The following PTPRN2 variants were observed in gnomAD, a reference collection of about 807,000 sequenced individuals.
The protein encoded by PTPRN2 is protein tyrosine phosphatase receptor type N2, also known as receptor-type tyrosine-protein phosphatase N2.
In PTPRN2, 74 loss-of-function variants were observed where a neutral mutation model predicts 118.8. The ratio of observed to expected loss-of-function variants is 0.62; its 90% CI spans 0.52 to 0.76. PTPRN2 has a LOEUF of 0.76. PTPRN2 is among the 30% of genes least tolerant of loss of function. PTPRN2 has a pLI of 0.00. For synonymous variants in PTPRN2, 641 were observed against 608.0 expected (o/e 1.05, Z -0.80); for missense variants, 1,481 against 1,394.4 (o/e 1.06, Z -0.99).
chr7:158,113,711 C>T (rs1445970134), intron 9 of PTPRN2, among the ~76,000 whole-genome samples: 4 of 152,274 alleles, frequency 2.6e-5, no homozygotes, highest in East Asian at 3.9e-4. Context: ...GACAGAGAGA[C>T]GCATTGAGGT....
At chr7:158,092,836 C>T (rs1814302875) in intron 10 of PTPRN2, among the ~76,000 whole-genome samples, 1 of 152,204 alleles carries the variant, frequency 6.6e-6, no homozygotes, top group South Asian at 2.1e-4. Flanking sequence ...CACAGGGGAA[C>T]TTCCAAGAAA....
chr7:157,748,378 G>C, intron 12 of PTPRN2, among the ~76,000 whole-genome samples: 1 of 143,072 alleles, frequency 7.0e-6, no homozygotes, highest in Non-Finnish European at 1.5e-5. Context: ...TGAGCTGCCT[G>C]GGTGATTTTG....
intron 13 of PTPRN2, among the ~76,000 whole-genome samples, chr7:157,661,614 G>A (rs566304896): frequency 1.7e-4 from 26 of 151,314 alleles, no homozygotes; most frequent in Non-Finnish European, 3.4e-4. Context: ...TGGGGAAGCC[G>A]GGTCCTGGGT....
intron 12 of PTPRN2, among the ~76,000 whole-genome samples, chr7:157,840,253 G>A (rs1285128608): frequency 7.0e-5 from 10 of 142,640 alleles, no homozygotes; most frequent in South Asian, 4.7e-4. Flanking sequence ...CTGTGTAACC[G>A]CGTGTGACTG....
rs1797435177 is a variant in PTPRN2, at chr7:157,690,713, T to C, written c.1789-7776A>G. Among the ~76,000 whole-genome samples, 1 of 151,542 alleles carries C rather than the reference T, an allele frequency of 6.6e-6. No homozygotes were observed. The highest frequency in any genetic ancestry group is 2.4e-5 in the African/African-American group (1 of 41,376). On this transcript the variant is annotated intron_variant, in intron 12 of 22. Coordinates refer to ENST00000389418, the MANE Select transcript of PTPRN2 (RefSeq NM_002847.5). The surrounding 1 kb of genome is among the most constrained non-coding windows in gnomAD (Gnocchi z 7.1). Reference sequence around the variant, plus strand: ...ACAGACTAGCGGGGTCATCCGCTTCTGACCACAAACTTCTAGGGCGGCCGG... The same window carrying C: ...ACAGACTAGCGGGGTCATCCGCTTCCGACCACAAACTTCTAGGGCGGCCGG...
chr7:157,775,164 C>A (rs1803120430), intron 12 of PTPRN2, among the ~76,000 whole-genome samples: 1 of 152,164 alleles, frequency 6.6e-6, no homozygotes, highest in Admixed American at 6.5e-5. Flanking sequence ...GCAGTGTAGG[C>A]TCAGATGTGA....
At chr7:158,441,855 T>C (rs1453682804) in intron 2 of PTPRN2, among the ~76,000 whole-genome samples, 3 of 146,818 alleles carry the variant, frequency 2.0e-5, no homozygotes, top group Non-Finnish European at 3.0e-5. Context: ...GTGATGGTGA[T>C]AGTGATGGTC....
chr7:158,521,576 G>GA lies in PTPRN2; in HGVS notation c.113-31792_113-31791insT, dbSNP rs1440023470. 1.5e-3 allele frequency among the ~76,000 whole-genome samples: 203 copies of GA among 134,534 alleles called. 57 individuals are homozygous for GA. The highest frequency in any genetic ancestry group is 4.3e-3 in the East Asian group (20 of 4,632). The allele number at this position is 134,534 out of a possible 152,430, so 88.3% of individuals were successfully genotyped here. A position where few individuals can be genotyped will look rare whatever the true frequency, so the allele number is the denominator to read the frequency against. On this transcript the variant is annotated intron_variant, in intron 1 of 22. Transcript: ENST00000389418. The stretch of plus-strand genomic sequence containing the variant: ...GTGGACTGTCCAGGTACTGGCTCAG[G>GA]GGGGAGGTCCACGTCACAATGGTGG...
chr7:157,541,374 G>A (rs539201769), intron 22 of PTPRN2, among the ~76,000 whole-genome samples: 171 of 152,320 alleles, frequency 1.1e-3, no homozygotes, highest in African/African-American at 3.9e-3. Context: ...GGGCATGCGC[G>A]TCCACAGCCA....
chr7:157,772,704 G>C (rs944373666), intron 12 of PTPRN2, among the ~76,000 whole-genome samples: 9 of 152,248 alleles, frequency 5.9e-5, no homozygotes, highest in African/African-American at 2.2e-4. Context: ...CTCAGCGTTG[G>C]GTCTCTTGGC....
In PTPRN2 at chr7:157,899,435, C is replaced by T. The variant is rs564425335; in HGVS notation, c.1724-698G>A. Among the ~76,000 whole-genome samples, 10 of 152,306 alleles carry T rather than the reference C, an allele frequency of 6.6e-5. No individual in the cohort carries two copies. The South Asian group carries it at 1.9e-3, about 28-fold the overall frequency. On this transcript the variant is annotated intron_variant, in intron 11 of 22. Coordinates refer to ENST00000389418, the MANE Select transcript of PTPRN2 (RefSeq NM_002847.5). ...CACCTGCCCCACTTCACAGAGAGGACGGGTGTCACAAGGCAATTGACCTTG... is the reference window on the plus strand; with the variant it reads ...CACCTGCCCCACTTCACAGAGAGGATGGGTGTCACAAGGCAATTGACCTTG...
At chr7:158,304,952 T>C (rs191406426) in intron 3 of PTPRN2, among the ~76,000 whole-genome samples, 1 of 152,358 alleles carries the variant, frequency 6.6e-6, no homozygotes, top group East Asian at 1.9e-4. Context: ...CATTTAAATA[T>C]ATCGCAGAAA....
At chr7:158,507,461 A>G (rs144476287) in intron 1 of PTPRN2, among the ~76,000 whole-genome samples, 2,956 of 146,646 alleles carry the variant, frequency 0.02, 49 homozygotes, top group Admixed American at 0.03. Context: ...CTGGGCAGGA[A>G]ATCACACACA....
At chr7:158,441,043 T>C (rs1339602736) in intron 2 of PTPRN2, among the ~76,000 whole-genome samples, 7 of 130,708 alleles carry the variant, frequency 5.4e-5, no homozygotes, top group Non-Finnish European at 1.1e-4. Context: ...GTGGTAGTAG[T>C]GATGGTGGTA....
chr7:158,174,167 G>A (rs1259072502), intron 5 of PTPRN2, among the ~76,000 whole-genome samples: 1 of 152,208 alleles, frequency 6.6e-6, no homozygotes, highest in Non-Finnish European at 1.5e-5. Flanking sequence ...AATTATGAAA[G>A]TACTAATTTT....
At chr7:158,222,760 T>A (rs1233791260) in intron 3 of PTPRN2, among the ~76,000 whole-genome samples, 1 of 152,068 alleles carries the variant, frequency 6.6e-6, no homozygotes, top group Non-Finnish European at 1.5e-5. Flanking sequence ...ATAATCTGAA[T>A]TCTTTAAGAA....
chr7:158,464,771 C>T (rs1819269981), intron 2 of PTPRN2, among the ~76,000 whole-genome samples: 2 of 151,818 alleles, frequency 1.3e-5, no homozygotes, highest in South Asian at 2.1e-4. Context: ...TTCATCATCA[C>T]CATCATCATC....
At chr7:157,599,723 C>T (rs1801552649) in intron 16 of PTPRN2, among the ~76,000 whole-genome samples, 1 of 152,218 alleles carries the variant, frequency 6.6e-6, no homozygotes, top group Non-Finnish European at 1.5e-5. Context: ...GCAGCTGTGA[C>T]CTTAACATCT....
chr7:158,006,875 T>TG, intron 11 of PTPRN2, among the ~76,000 whole-genome samples: 1 of 152,138 alleles, frequency 6.6e-6, no homozygotes, highest in Admixed American at 6.5e-5. Context: ...GTCATGACAT[T>TG]TTGGACCAGG....
Sources: gnomAD v4.1 joint callset for allele counts (sites outside exome capture counted in the v4.1 genomes callset) on GRCh38, gnomAD v4.1.1 for gene constraint, Gnocchi (gnomAD v3.1) non-coding constraint, MANE v1.5 for transcripts, NCBI Gene and HGNC (gene_info 2026-07-23, HGNC 2026-07-21) for gene names.